The following ICAM2 variants were observed in gnomAD, a reference collection of about 807,000 sequenced individuals.
ICAM2 encodes intercellular adhesion molecule 2, also known as ICAM-2.
ICAM2 carries 14 observed loss-of-function variants against 19.1 expected under a neutral mutation model. The ratio of observed to expected loss-of-function variants is 0.73; its 90% confidence interval spans 0.48 to 1.15. The LOEUF (loss-of-function observed/expected upper bound fraction) is 1.15. ICAM2 is among the 50% of genes most tolerant of loss of function. The pLI, the probability that ICAM2 is intolerant of heterozygous loss-of-function variation, is 0.00. For missense variants in ICAM2, 311 were observed against 355.4 expected (o/e 0.88, Z 1.00); for synonymous variants, 153 against 152.7 (o/e 1.00, Z -0.01).
rs185226562 is a variant in ICAM2 at position 64,010,906 on chromosome 17, G to A, written c.-44-4171C>T. Reference sequence around the variant, plus strand: ...GGTTCTAACTTGGAATTTTTAGGAGGGAGGACACATTTTAAGTTATATAAG... The same window carrying A: ...GGTTCTAACTTGGAATTTTTAGGAGAGAGGACACATTTTAAGTTATATAAG... On this transcript the variant is annotated intron_variant, in intron 1 of 4. Coordinates refer to ENST00000579788, the MANE Select transcript of ICAM2 (RefSeq NM_001099789.2). Among the ~76,000 whole-genome samples the A allele has an allele frequency of 3.2e-4, 49 of 152,176 alleles. No individual in the cohort carries two copies. In the East Asian group the frequency reaches 5.2e-3, roughly 16 times the overall value.
At chr17:64,013,106 A>G (rs1034651664) in intron 1 of ICAM2, among the ~76,000 whole-genome samples, 1 of 152,202 alleles carries the variant, frequency 6.6e-6, no homozygotes, top group Non-Finnish European at 1.5e-5. Context: ...TGAGGTCAGG[A>G]GTTCGAGACC....
chr17:64,014,699 AAGG>A (rs1911633514), intron 1 of ICAM2, among the ~76,000 whole-genome samples: 2 of 24,752 alleles, frequency 8.1e-5, no homozygotes, highest in African/African-American at 1.5e-4. Context: ...GGAAGGAAGG[AAGG>A]AAGGAAGGAA....
intron 1 of ICAM2, among the ~76,000 whole-genome samples, chr17:64,018,080 C>T (rs1290395926): frequency 1.3e-5 from 2 of 151,954 alleles, no homozygotes; most frequent in East Asian, 3.9e-4. Context: ...GCGGCTGTGA[C>T]GCCAGCACTT....
At chr17:64,007,436 A>G (rs764717605) in intron 1 of ICAM2, among the ~76,000 whole-genome samples, 23 of 152,008 alleles carry the variant, frequency 1.5e-4, no homozygotes, top group Middle Eastern at 6.8e-3. Flanking sequence ...CTAATTTTGT[A>G]TTTTTAATAG....
intron 1 of ICAM2, among the ~76,000 whole-genome samples, chr17:64,019,194 G>GT (rs1484115928): frequency 6.6e-6 from 1 of 152,150 alleles, no homozygotes; most frequent in Non-Finnish European, 1.5e-5. Flanking sequence ...CTAGCACACA[G>GT]TAACGCTATA....
intron 1 of ICAM2, among the ~76,000 whole-genome samples, chr17:64,014,431 GGAAGGA>G (rs1356164899): frequency 4.1e-4 from 56 of 135,592 alleles, no homozygotes; most frequent in South Asian, 1.5e-3. Context: ...AAGGAAGGAA[GGAAGGA>G]AGAGAGAGAG....
chr17:64,014,659 AAGAAAGAG>A (rs1441962792), intron 1 of ICAM2, among the ~76,000 whole-genome samples: 14 of 143,244 alleles, frequency 9.8e-5, no homozygotes, highest in African/African-American at 3.3e-4. Context: ...GAAAGAAAGG[AAGAAAGAG>A]AGAAAGAAAG....
chr17:64,014,703 AAGGAAGGAAGGAAGGAAGG>A (rs1567849747), intron 1 of ICAM2, among the ~76,000 whole-genome samples: 18 of 22,922 alleles, frequency 7.9e-4, no homozygotes, highest in African/African-American at 1.3e-3. Flanking sequence ...GGAAGGAAGG[AAGGAAGGAAGGAAGGAAGG>A]AAGAAAGAAA....
intron 1 of ICAM2, among the ~76,000 whole-genome samples, chr17:64,009,704 C>CT (rs11377803): frequency 0.96 from 146,168 of 152,284 alleles, 70,449 homozygotes; most frequent in East Asian, 1. Flanking sequence ...AGCATGCTCT[C>CT]GACCTGCTTC....
chr17:64,019,161 T>C (rs1401339775), intron 1 of ICAM2, among the ~76,000 whole-genome samples: 1 of 152,204 alleles, frequency 6.6e-6, no homozygotes, highest in African/African-American at 2.4e-5. Flanking sequence ...TAAGTAAATA[T>C]TTTAAAGCAT....
At chr17:64,003,258 G>A in intron 4 of ICAM2, 1 of 428,466 alleles carries the variant, frequency 2.3e-6, no homozygotes, top group Non-Finnish European at 4.3e-6. Flanking sequence ...CCCCTTCTTG[G>A]GCAGAGCTGA....
intron 1 of ICAM2, among the ~76,000 whole-genome samples, chr17:64,013,516 A>G (rs866529847): frequency 4.6e-5 from 7 of 152,166 alleles, no homozygotes; most frequent in South Asian, 2.1e-4. Flanking sequence ...AGAAAAAAAA[A>G]ATACTAAAAC....
At chr17:64,015,065 CTA>C (rs951940267) in intron 1 of ICAM2, among the ~76,000 whole-genome samples, 2 of 152,086 alleles carry the variant, frequency 1.3e-5, no homozygotes, top group African/African-American at 4.8e-5. Context: ...AGAAAGAAAA[CTA>C]TACAAATTTA....
chr17:64,005,231 C>T lies in ICAM2; in HGVS notation c.204G>A (p.Leu68=), dbSNP rs1219082964. The T allele has an allele frequency of 8.7e-6, 14 of 1,614,184 alleles. No individual in the cohort carries two copies. Residue 68 remains leucine, a synonymous_variant, in exon 3 of 5, where the codon CTG becomes CTA. Transcript: ENST00000579788. The stretch of plus-strand genomic sequence containing the variant: ...GTTTCCACTGAGCCTGTTCGTCCAG[C>T]AGAATCTTATCTAGAGAGGTCTCCA... ...GGLETSLDKI[L]LDEQAQWKHY... is the part of the protein sequence containing the mutation.
chr17:64,011,653 C>T (rs1911458881), intron 1 of ICAM2, among the ~76,000 whole-genome samples: 2 of 152,050 alleles, frequency 1.3e-5, no homozygotes, highest in Admixed American at 1.3e-4. Flanking sequence ...AATCCTAATA[C>T]TTTGGGAGGC....
chr17:64,003,405 G>A (rs1368364095), intron 4 of ICAM2: 1 of 559,838 alleles, frequency 1.8e-6, no homozygotes, highest in Non-Finnish European at 3.2e-6. Context: ...AGCCGTCAAG[G>A]TCATGGGGCT....
Position 64,018,713 on chromosome 17 carries a change from C to CTTT in ICAM2, c.-45+1807_-45+1809dup, listed in dbSNP as rs67934258. On this transcript the variant is annotated intron_variant, in intron 1 of 4. Coordinates refer to ENST00000579788, the MANE Select transcript of ICAM2 (RefSeq NM_001099789.2). ...CAGACATGTCTTTGTGTTTACTTCT[C>CTTT]TTTTTTTTTTTTTTTTTTTTTTTTT... Among the ~76,000 whole-genome samples, 104 of 62,916 alleles carry CTTT rather than the reference C, an allele frequency of 1.7e-3. 16 individuals are homozygous for CTTT. In the East Asian group the frequency reaches 0.029, roughly 17 times the overall value. The allele number at this position is 62,916 out of a possible 152,430, so 41.3% of individuals were successfully genotyped here. A position where few individuals can be genotyped will look rare whatever the true frequency, so the allele number is the denominator to read the frequency against.
intron 1 of ICAM2, among the ~76,000 whole-genome samples, chr17:64,015,066 T>C (rs1911668586): frequency 6.6e-6 from 1 of 152,066 alleles, no homozygotes; most frequent in South Asian, 2.1e-4. Context: ...GAAAGAAAAC[T>C]ATACAAATTT....
intron 4 of ICAM2, chr17:64,003,197 T>G: frequency 6.1e-6 from 3 of 493,260 alleles, no homozygotes; most frequent in Non-Finnish European, 1.1e-5. Flanking sequence ...ATGGGACCAG[T>G]GTGTAGCTGC....
Sources: gnomAD v4.1 joint callset for allele counts (sites outside exome capture counted in the v4.1 genomes callset) on GRCh38, gnomAD v4.1.1 for gene constraint, MANE v1.5 for transcripts, NCBI Gene and HGNC (gene_info 2026-07-23, HGNC 2026-07-21) for gene names.